SNAPC3: variants seen among roughly 807,000 people sequenced by gnomAD.
SNAPC3 encodes the protein small nuclear RNA activating complex polypeptide 3, also known as snRNA-activating protein complex subunit 3.
Under a neutral mutation model 47.7 loss-of-function variants are expected in SNAPC3, and 56 were observed. The observed-to-expected ratio is 1.18, with a 90% CI of 0.95 to 1.47. The LOEUF is 1.47. Ranked by LOEUF, SNAPC3 falls within the 40% of genes most tolerant of loss-of-function variation. The probability of loss-of-function intolerance (pLI) is 0.00; values close to 1 mark genes in which losing one functional copy is unlikely to be tolerated. For missense variants in SNAPC3, 665 were observed against 511.3 expected, an observed-to-expected ratio of 1.30 and a Z score of -2.90; for synonymous variants, 235 against 189.9, an observed-to-expected ratio of 1.24 and a Z score of -1.95.
intron 5 of SNAPC3, among the ~76,000 whole-genome samples, chr9:15,450,812 T>A (rs1276684532): frequency 6.6e-6 from 1 of 152,204 alleles, no homozygotes; most frequent in East Asian, 1.9e-4. Flanking sequence ...TAGAATGAGT[T>A]AAGAACCCTT....
At chr9:15,434,358 A>G (rs550107539) in intron 3 of SNAPC3, among the ~76,000 whole-genome samples, 1 of 149,138 alleles carries the variant, frequency 6.7e-6, no homozygotes, top group East Asian at 2.0e-4. Flanking sequence ...GAATTTGTCT[A>G]TTCTAGATAT....
chr9:15,433,105 C>T (rs2032372671), intron 2 of SNAPC3, among the ~76,000 whole-genome samples: 3 of 152,026 alleles, frequency 2.0e-5, no homozygotes, highest in Admixed American at 6.6e-5. Flanking sequence ...GAGGAACTAG[C>T]GGTCAAACCC....
chr9:15,450,912 G>T (rs1281364538), intron 5 of SNAPC3, among the ~76,000 whole-genome samples: 1 of 152,128 alleles, frequency 6.6e-6, no homozygotes, highest in East Asian at 1.9e-4. Context: ...CTGCCTAAGA[G>T]TTACTGAAAA....
chr9:15,460,004 G>C lies in SNAPC3; in HGVS notation c.*138G>C, dbSNP rs4741506. ...AAAGCTATCAAAAAAAAGTCCAAAT[G>C]ACAGATTTTCTTATAATGATAGTAT... is the stretch of plus-strand genomic sequence containing the variant. On this transcript the variant is annotated 3_prime_UTR_variant, in exon 9 of 9. Transcript: ENST00000380821. 0.9 allele frequency: 502,019 copies of C among 560,852 alleles called. 226,003 individuals are homozygous for C. Among genetic ancestry groups the C allele is most frequent in the African/African-American group, 0.94 (49,331 of 52,216 alleles). The allele number at this position is 560,852 out of a possible 1,614,324, so 34.7% of individuals were successfully genotyped here. A position where few individuals can be genotyped will look rare whatever the true frequency, so the allele number is the denominator to read the frequency against.
chr9:15,423,443 A>G (rs918947263), intron 1 of SNAPC3, among the ~76,000 whole-genome samples: 4 of 152,144 alleles, frequency 2.6e-5, no homozygotes, highest in Non-Finnish European at 5.9e-5. Flanking sequence ...TAGTTTTTCC[A>G]TTTGCTTATT....
chr9:15,426,136 G>T (rs1452873506), intron 2 of SNAPC3, among the ~76,000 whole-genome samples: 1 of 152,126 alleles, frequency 6.6e-6, no homozygotes, highest in African/African-American at 2.4e-5. Context: ...TTACAGATAT[G>T]AGCCACCGCA....
rs1236090307 is a variant in SNAPC3 at position 15,459,872 on chromosome 9, G to A, written c.*6G>A. ...ATCCTGGAACCTTTAATTAAGAATA[G>A]CTACACTCACAAAAATACCCCCTCA... is the stretch of plus-strand genomic sequence containing the variant. On this transcript the variant is annotated 3_prime_UTR_variant, in exon 9 of 9. Transcript: ENST00000380821. 1 of 1,602,506 alleles carries A rather than the reference G, an allele frequency of 6.2e-7. No homozygotes were observed.
chr9:15,440,819 A>G (rs7036562), intron 3 of SNAPC3, among the ~76,000 whole-genome samples: 142,639 of 152,172 alleles, frequency 0.94, 66,999 homozygotes, highest in African/African-American at 0.98. Context: ...CGCGGTGGCG[A>G]GTGTCTGTAG....
At chr9:15,442,571 C>T (rs916717200) in intron 3 of SNAPC3, among the ~76,000 whole-genome samples, 4 of 151,448 alleles carry the variant, frequency 2.6e-5, no homozygotes, top group Admixed American at 1.3e-4. Flanking sequence ...ACATCCCAGA[C>T]GGGGCGGCGG....
At chr9:15,459,514 T>C (rs1467232595) in intron 8 of SNAPC3, among the ~76,000 whole-genome samples, 1 of 152,256 alleles carries the variant, frequency 6.6e-6, no homozygotes, top group Non-Finnish European at 1.5e-5. Context: ...TGTTTCTTAA[T>C]GTTAGATGCC....
At position 15,437,638 on chromosome 9, in the gene SNAPC3, TG is replaced by T. The variant is rs1316058135; in HGVS notation, c.477+4003del. Among the ~76,000 whole-genome samples the T allele has an allele frequency of 9.8e-3, 1,476 of 151,240 alleles. 14 individuals carry two copies. The highest frequency in any genetic ancestry group is 0.035 in the African/African-American group (1,416 of 40,954). ...TGATCTGTTGTTTTTTTTTTTTTTT[TG>T]CCCCATCATTCCATTAGTGTGGTGT... On this transcript the variant is annotated intron_variant, in intron 3 of 8. Coordinates refer to ENST00000380821, the MANE Select transcript of SNAPC3 (RefSeq NM_001039697.2).
At chr9:15,435,428 C>T (rs564368814) in intron 3 of SNAPC3, among the ~76,000 whole-genome samples, 1 of 152,180 alleles carries the variant, frequency 6.6e-6, no homozygotes, top group Non-Finnish European at 1.5e-5. Context: ...CAAAAATTAG[C>T]CGGGCGTGGT....
At chr9:15,427,088 T>C (rs1042543504) in intron 2 of SNAPC3, among the ~76,000 whole-genome samples, 3 of 152,200 alleles carry the variant, frequency 2.0e-5, no homozygotes, top group African/African-American at 7.2e-5. Context: ...TCTGGTACTT[T>C]TTCTTTCCCA....
In SNAPC3 at chr9:15,452,152, A is replaced by C. The variant is rs2034437337; in HGVS notation, c.815+750A>C. ...TAATTTTTGTATTTTTAGTAGAGAC[A>C]GGGTTTCAACATGTTGGCCAGGCTG... On this transcript the variant is annotated intron_variant, in intron 6 of 8. Coordinates refer to ENST00000380821, the MANE Select transcript of SNAPC3 (RefSeq NM_001039697.2). Among the ~76,000 whole-genome samples the C allele has an allele frequency of 2.6e-5, 4 of 152,000 alleles. No homozygotes were observed. The South Asian group carries it at 8.3e-4, about 32-fold the overall frequency.
downstream of SNAPC3, chr9:15,463,493 A>AGGGGTGGGGT (rs141949120): frequency 2.6e-5 from 3 of 116,562 alleles, no homozygotes; most frequent in Non-Finnish European, 5.1e-5. Flanking sequence ...TACTTTTTGG[A>AGGGGTGGGGT]GGGGTGGGGT....
At chr9:15,462,724 A>C (rs1273158065), downstream of SNAPC3, 1 of 152,234 alleles carries the variant, frequency 6.6e-6, no homozygotes, top group Non-Finnish European at 1.5e-5. Flanking sequence ...TAGACATTCT[A>C]GTTTTACTAG....
chr9:15,454,766 T>G (rs2034648405), intron 7 of SNAPC3, among the ~76,000 whole-genome samples: 1 of 152,086 alleles, frequency 6.6e-6, no homozygotes, highest in Non-Finnish European at 1.5e-5. Context: ...TGAAAGCGTC[T>G]CTACTAAAAA....
At position 15,456,391 on chromosome 9, in the gene SNAPC3, A is replaced by T. The variant is rs572773001; in HGVS notation, c.981-1569A>T. ...GCTGAAGGATAAAAACATGACCATT[A>T]AACTCATGGTAACTTCTTGATACAG... On this transcript the variant is annotated intron_variant, in intron 7 of 8. Coordinates refer to ENST00000380821, the MANE Select transcript of SNAPC3 (RefSeq NM_001039697.2). 1.1e-4 allele frequency among the ~76,000 whole-genome samples: 16 copies of T among 152,346 alleles called. No individual in the cohort carries two copies. In the South Asian group the frequency reaches 3.3e-3, roughly 32 times the overall value.
Position 15,433,533 on chromosome 9 carries a change from T to A in SNAPC3, c.393-19T>A, listed in dbSNP as rs745603961. The stretch of plus-strand genomic sequence containing the variant: ...AATGTTGAACTTTGATTTTTTTTTT[T>A]CTTTTACATCTACAACAGGGTTAGA... On this transcript the variant is annotated intron_variant, in intron 2 of 8. Coordinates refer to ENST00000380821, the MANE Select transcript of SNAPC3 (RefSeq NM_001039697.2). 51 of 1,463,988 alleles carry A rather than the reference T, an allele frequency of 3.5e-5. No homozygotes were observed. Among genetic ancestry groups the A allele is most frequent in the Non-Finnish European group, 4.7e-5 (50 of 1,064,528 alleles). The allele number at this position is 1,463,988 out of a possible 1,614,324, so 90.7% of individuals were successfully genotyped here. A position where few individuals can be genotyped will look rare whatever the true frequency, so the allele number is the denominator to read the frequency against.
Sources: gnomAD v4.1 joint callset for allele counts (sites outside exome capture counted in the v4.1 genomes callset) on GRCh38, gnomAD v4.1.1 for gene constraint, MANE v1.5 for transcripts, NCBI Gene and HGNC (gene_info 2026-07-23, HGNC 2026-07-21) for gene names.